The following ATP11A variants were observed in gnomAD, a reference collection of about 807,000 sequenced individuals.
ATP11A encodes ATPase phospholipid transporting 11A.
ATP11A carries 81 observed loss-of-function variants against 154.4 expected under a neutral mutation model. That is an observed-to-expected ratio of 0.52 (90% CI 0.44 to 0.63). The LOEUF is 0.63. Among genes scored for constraint, ATP11A ranks in the 30% least tolerant of loss-of-function variants. ATP11A has a pLI of 0.00. For missense variants in ATP11A, 1,316 were observed against 1,474.3 expected (o/e 0.89, Z 1.76); for synonymous variants, 623 against 585.9 (o/e 1.06, Z -0.91).
Position 112,854,132 on chromosome 13 carries a change from G to A in ATP11A, c.1992-147G>A, listed in dbSNP as rs140291028. The A allele has an allele frequency of 1.6e-3, 1,637 of 1,056,112 alleles. 17 individuals carry two copies. In the African/African-American group the frequency reaches 0.022, roughly 14 times the overall value. 65.4% of individuals were successfully genotyped at this position (1,056,112 alleles called of 1,614,324 possible). A position where few individuals can be genotyped will look rare whatever the true frequency, so the allele number is the denominator to read the frequency against. On this transcript the variant is annotated intron_variant, in intron 18 of 29. Transcript: ENST00000375645. ...TCAGAAGCTGCTTCAGTACTTCGTG[G>A]TGAGATCATGAGCCACAGTGTGGAG...
intron 13 of ATP11A, among the ~76,000 whole-genome samples, chr13:112,831,819 GCA>G (rs1361236374): frequency 1.3e-5 from 2 of 152,258 alleles, no homozygotes; most frequent in South Asian, 2.1e-4. Context: ...GGACACACAT[GCA>G]CACACGCTCA....
intron 1 of ATP11A, among the ~76,000 whole-genome samples, chr13:112,720,206 G>A (rs557531596): frequency 6.6e-6 from 1 of 152,320 alleles, no homozygotes; most frequent in East Asian, 1.9e-4. Context: ...TATATTTTAG[G>A]GAGACAGGAC....
intron 1 of ATP11A, among the ~76,000 whole-genome samples, chr13:112,710,129 A>G (rs115810018): frequency 0.013 from 1,938 of 152,306 alleles, 59 homozygotes; most frequent in African/African-American, 0.044. Flanking sequence ...CCTCAGCATC[A>G]CGGGGAGGCC....
intron 1 of ATP11A, among the ~76,000 whole-genome samples, chr13:112,734,850 G>A (rs954103315): frequency 2.0e-5 from 3 of 152,274 alleles, no homozygotes; most frequent in Admixed American, 6.5e-5. Flanking sequence ...CAAAAGGTAA[G>A]CATGGTTCTG....
At chr13:112,782,526 A>G (rs2077525092) in intron 1 of ATP11A, among the ~76,000 whole-genome samples, 1 of 152,266 alleles carries the variant, frequency 6.6e-6, no homozygotes, top group African/African-American at 2.4e-5. Context: ...CTGTGAAAAC[A>G]AAGGAGCCAG....
intron 1 of ATP11A, among the ~76,000 whole-genome samples, chr13:112,695,717 CCT>C (rs1467365012): frequency 6.6e-6 from 1 of 152,138 alleles, no homozygotes; most frequent in Non-Finnish European, 1.5e-5. Flanking sequence ...CACATGAAAT[CCT>C]CTATTTACAG....
At chr13:112,821,249 G>A (rs2078789872) in intron 8 of ATP11A, among the ~76,000 whole-genome samples, 2 of 152,080 alleles carry the variant, frequency 1.3e-5, no homozygotes, top group Admixed American at 1.3e-4. Context: ...TGAACAACTT[G>A]GGACGATAAT....
intron 29 of ATP11A, chr13:112,880,197 T>G (rs910885673): frequency 1.9e-5 from 3 of 155,310 alleles, no homozygotes; most frequent in Non-Finnish European, 4.3e-5. Flanking sequence ...GCCGTGGAAG[T>G]GGGCGTGTGG....
chr13:112,706,255 T>C (rs775603994), intron 1 of ATP11A, among the ~76,000 whole-genome samples: 3 of 152,188 alleles, frequency 2.0e-5, no homozygotes, highest in Non-Finnish European at 2.9e-5. Context: ...GAGGACTCAT[T>C]TGCACTTCAT....
chr13:112,860,369 A>G lies in ATP11A; in HGVS notation c.2810A>G (p.Gln937Arg), dbSNP rs747892881. 1 of 1,614,146 alleles carries G rather than the reference A, an allele frequency of 6.2e-7. No individual in the cohort carries two copies. Among genetic ancestry groups the G allele is most frequent in the Non-Finnish European group, 8.5e-7 (1 of 1,180,016 alleles). Reference protein sequence around the residue: ...LPILLYSLMEQHVGIDVLKRD... With the variant: ...LPILLYSLMERHVGIDVLKRD... ...ATCCTCCTGTACAGCCTCATGGAGCAGCATGTTGGCATTGACGTGCTCAAG... is the reference window on the plus strand; with the variant it reads ...ATCCTCCTGTACAGCCTCATGGAGCGGCATGTTGGCATTGACGTGCTCAAG... The change falls in exon 24 of 30, where the codon CAG (glutamine) becomes CGG (arginine). Residue 937 changes from glutamine (Q) to arginine (R), a missense_variant. Gln to Arg is a conservative substitution (Grantham distance 43). This residue lies in a region of ATP11A where 294 missense variants were observed against 290.2 expected (regional missense o/e 1.01). Coordinates refer to ENST00000375645, the MANE Select transcript of ATP11A (RefSeq NM_015205.3).
intron 16 of ATP11A, among the ~76,000 whole-genome samples, chr13:112,837,189 C>G (rs1034257638): frequency 2.6e-5 from 4 of 152,236 alleles, no homozygotes; most frequent in African/African-American, 9.6e-5. Context: ...GCTCCCACCG[C>G]CCCCTCTGAG....
At chr13:112,700,286 G>A (rs1210162754) in intron 1 of ATP11A, among the ~76,000 whole-genome samples, 1 of 152,162 alleles carries the variant, frequency 6.6e-6, no homozygotes, top group Non-Finnish European at 1.5e-5. Context: ...TACGGGAAGG[G>A]CAGGAGAGGC....
rs138117498 is a variant in ATP11A, at chr13:112,854,493, C to T, written c.2206C>T (p.Arg736Cys). The change falls in exon 19 of 30, where the codon CGC becomes TGC. Residue 736 changes from arginine (R) to cysteine (C), a missense_variant. Arg to Cys is a radical substitution (Grantham distance 180, BLOSUM62 -3). Transcript: ENST00000375645. ...VLFELSKTVL[R>C]HSGSLTRDNL... ...GTTCGAGCTGAGCAAGACGGTCCTGCGCCACAGCGGGAGCCTGACCAGAGA... is the reference window on the plus strand; with the variant it reads ...GTTCGAGCTGAGCAAGACGGTCCTGTGCCACAGCGGGAGCCTGACCAGAGA... 25 of 1,611,922 alleles carry T rather than the reference C, an allele frequency of 1.6e-5. No individual in the cohort carries two copies. The highest frequency in any genetic ancestry group is 5.3e-5 in the African/African-American group (4 of 75,014).
At position 112,857,487 on chromosome 13, in the gene ATP11A, C is replaced by T. The variant is rs147536947; in HGVS notation, c.2419-331C>T. ...TTTTCCCAGGATTTACACACTTTTC[C>T]ATATATTTAAGTAGAGGAATATAAC... is the stretch of plus-strand genomic sequence containing the variant. On this transcript the variant is annotated intron_variant, in intron 20 of 29. Coordinates refer to ENST00000375645, the MANE Select transcript of ATP11A (RefSeq NM_015205.3). Among the ~76,000 whole-genome samples, 34 of 152,318 alleles carry T rather than the reference C, an allele frequency of 2.2e-4. 1 individual carries two copies. In the East Asian group the frequency reaches 6.6e-3, roughly 29 times the overall value.
At chr13:112,783,619 G>A (rs776464771) in intron 1 of ATP11A, among the ~76,000 whole-genome samples, 7 of 152,204 alleles carry the variant, frequency 4.6e-5, no homozygotes, top group Non-Finnish European at 8.8e-5. Flanking sequence ...CTCCTCTTCA[G>A]CTGTGTTTCT....
intron 1 of ATP11A, among the ~76,000 whole-genome samples, chr13:112,748,237 T>G (rs1400137545): frequency 6.6e-6 from 1 of 152,212 alleles, no homozygotes; most frequent in Non-Finnish European, 1.5e-5. Flanking sequence ...CAACCTGTAT[T>G]TATAGACAGA....
intron 10 of ATP11A, among the ~76,000 whole-genome samples, chr13:112,824,742 G>A (rs145819385): frequency 1.1e-3 from 160 of 152,288 alleles, no homozygotes; most frequent in African/African-American, 3.7e-3. Context: ...CTCCAAATGG[G>A]CTTACTTTTA....
At chr13:112,715,936 A>T (rs1008944637) in intron 1 of ATP11A, among the ~76,000 whole-genome samples, 1 of 151,840 alleles carries the variant, frequency 6.6e-6, no homozygotes, top group Non-Finnish European at 1.5e-5. Flanking sequence ...TTCTCCCACT[A>T]AGGGCTCTCT....
rs541976523 is a variant in ATP11A at position 112,755,357 on chromosome 13, A to G, written c.40-29778A>G. 3.9e-4 allele frequency among the ~76,000 whole-genome samples: 59 copies of G among 152,250 alleles called. 1 individual carries two copies. Among genetic ancestry groups the G allele is most frequent in the African/African-American group, 1.3e-3 (54 of 41,540 alleles). On this transcript the variant is annotated intron_variant, in intron 1 of 29. Transcript: ENST00000375645. ...TCCTAGAACTCTGCCCAGCTTGGACAGTCTCTCTACACCCAGAGACCGGTT... is the reference window on the plus strand; with the variant it reads ...TCCTAGAACTCTGCCCAGCTTGGACGGTCTCTCTACACCCAGAGACCGGTT...
Sources: allele counts gnomAD v4.1 joint callset (sites outside exome capture counted in the v4.1 genomes callset), GRCh38; gene constraint gnomAD v4.1.1; regional missense constraint gnomAD v4.1.1; transcripts MANE v1.5; gene names NCBI Gene and HGNC (gene_info 2026-07-23, HGNC 2026-07-21).